STK4: variants seen among roughly 807,000 people sequenced by gnomAD.
The protein encoded by STK4 is serine/threonine-protein kinase 4.
STK4 carries 30 observed loss-of-function variants against 64.9 expected under a neutral mutation model. The observed-to-expected ratio is 0.46, with a 90% confidence interval of 0.35 to 0.63. The LOEUF is 0.63. STK4 is among the 20% of genes least tolerant of loss of function. The pLI is 0.01. For missense variants in STK4, 466 were observed against 598.5 expected (o/e 0.78, Z 2.31); for synonymous variants, 177 against 199.0 (o/e 0.89, Z 0.93).
intron 10 of STK4, among the ~76,000 whole-genome samples, chr20:45,029,397 T>C (rs1343499768): frequency 1.3e-5 from 2 of 152,242 alleles, no homozygotes; most frequent in Non-Finnish European, 2.9e-5. Context: ...TATGACATTC[T>C]ACTCTATTTG....
chr20:45,012,798 TC>T (rs201999835), intron 9 of STK4, among the ~76,000 whole-genome samples: 27,893 of 136,648 alleles, frequency 0.2, 3,753 homozygotes, highest in Middle Eastern at 0.33. Context: ...TTCTTCTTCT[TC>T]TTTTTTTTTT....
chr20:45,017,938 C>T (rs1359207836), intron 9 of STK4, among the ~76,000 whole-genome samples: 1 of 152,122 alleles, frequency 6.6e-6, no homozygotes, highest in Non-Finnish European at 1.5e-5. Context: ...CTCCAGGGAA[C>T]CTTATAACTT....
intron 10 of STK4, among the ~76,000 whole-genome samples, chr20:45,041,826 C>T (rs963888767): frequency 3.9e-5 from 6 of 152,190 alleles, no homozygotes; most frequent in Non-Finnish European, 2.9e-5. Flanking sequence ...AATCAATCTC[C>T]TGGCAAACAT....
intron 10 of STK4, among the ~76,000 whole-genome samples, chr20:45,053,424 G>T (rs1366888419): frequency 2.0e-5 from 3 of 152,134 alleles, no homozygotes; most frequent in Non-Finnish European, 4.4e-5. Flanking sequence ...TGCTTGGCAG[G>T]CTTCTTCTTT....
chr20:44,982,304 T>C (rs1233053372), intron 4 of STK4, among the ~76,000 whole-genome samples: 1 of 112,270 alleles, frequency 8.9e-6, no homozygotes, highest in Non-Finnish European at 2.2e-5. Context: ...TGTTTTTTAA[T>C]TTTTTTTTTT....
chr20:44,989,870 C>T (rs560022732), intron 5 of STK4, among the ~76,000 whole-genome samples: 3 of 152,188 alleles, frequency 2.0e-5, no homozygotes, highest in African/African-American at 4.8e-5. Context: ...GAGTTTATTT[C>T]TATGCCTTCA....
chr20:44,967,204 A>G (rs1489210707), intron 1 of STK4: 12 of 985,240 alleles, frequency 1.2e-5, no homozygotes, highest in Admixed American at 6.1e-5. Flanking sequence ...ATCTTTTATT[A>G]CTGATGTTCA....
In STK4 at chr20:45,015,113, A is replaced by G. The variant is rs2068117456; in HGVS notation, c.1148-9860A>G. 2.0e-5 allele frequency among the ~76,000 whole-genome samples: 3 copies of G among 152,240 alleles called. No individual in the cohort carries two copies. In the South Asian group the frequency reaches 6.2e-4, roughly 31 times the overall value. The stretch of plus-strand genomic sequence containing the variant: ...TGTGGTAAAAACATTATGTGTTTAT[A>G]GTTCCTCAGAAAGTCCTAAGTTTCA... On this transcript the variant is annotated intron_variant, in intron 9 of 10. Coordinates refer to ENST00000372806, the MANE Select transcript of STK4 (RefSeq NM_006282.5).
chr20:45,019,267 T>G (rs886721790), intron 9 of STK4, among the ~76,000 whole-genome samples: 1 of 152,224 alleles, frequency 6.6e-6, no homozygotes, highest in Non-Finnish European at 1.5e-5. Flanking sequence ...TTGCCTGTTT[T>G]GGACAGTTTA....
At chr20:45,048,315 G>A (rs2068726675) in intron 10 of STK4, among the ~76,000 whole-genome samples, 1 of 152,174 alleles carries the variant, frequency 6.6e-6, no homozygotes, top group Non-Finnish European at 1.5e-5. Flanking sequence ...GCTTAGCAGA[G>A]TATCTGACAC....
At chr20:44,972,880 T>G (rs1264711893) in intron 2 of STK4, 1 of 150,360 alleles carries the variant, frequency 6.7e-6, no homozygotes, top group Non-Finnish European at 1.5e-5. Context: ...ATTCAAAATT[T>G]AAAAAAATAT....
At chr20:45,008,260 G>A (rs1226468894) in intron 9 of STK4, among the ~76,000 whole-genome samples, 2 of 152,104 alleles carry the variant, frequency 1.3e-5, no homozygotes, top group African/African-American at 2.4e-5. Context: ...TCACCATGTC[G>A]TCCAGGCTGG....
intron 3 of STK4, 21 bp from the exon 4 acceptor site, chr20:44,981,808 G>A: frequency 3.5e-6 from 5 of 1,439,296 alleles, no homozygotes; most frequent in Non-Finnish European, 4.9e-6. Context: ...TTATTAATTT[G>A]TATTGTCTCT....
chr20:44,987,148 T>C lies in STK4; in HGVS notation c.377T>C (p.Ile126Thr), dbSNP rs761464846. The stretch of plus-strand genomic sequence containing the variant: ...TTTTTTCAGTTAACAGAAGATGAAA[T>C]AGCTACAATATTACAATCAACTCTT... ...LRNKTLTEDE[I>T]ATILQSTLKG... The change falls in exon 5 of 11, where the codon ATA becomes ACA. Residue 126 changes from isoleucine to threonine, a missense_variant. Transcript: ENST00000372806. 1 of 1,590,974 alleles carries C rather than the reference T, an allele frequency of 6.3e-7. No homozygotes were observed. Among genetic ancestry groups the C allele is most frequent in the Non-Finnish European group, 8.6e-7 (1 of 1,169,452 alleles).
At position 45,012,990 on chromosome 20, in the gene STK4, G is replaced by T. The variant is rs2068081862; in HGVS notation, c.1147+11637G>T. 2.5e-5 allele frequency among the ~76,000 whole-genome samples: 3 copies of T among 120,766 alleles called. No homozygotes were observed. The South Asian group carries it at 8.0e-4, about 32-fold the overall frequency. 79.2% of individuals were successfully genotyped at this position (120,766 alleles called of 152,430 possible). On this transcript the variant is annotated intron_variant, in intron 9 of 10. Transcript: ENST00000372806. ...TTTTTTTTTTTTTTTATAGAGATGG[G>T]ATCTCCCTGTGTTGCCCAGGCTGGT...
chr20:45,069,093 C>A (rs1364099363), intron 10 of STK4, among the ~76,000 whole-genome samples: 1 of 152,168 alleles, frequency 6.6e-6, no homozygotes, highest in Non-Finnish European at 1.5e-5. Flanking sequence ...TGAGGGAATT[C>A]TAGGTGTTAG....
Position 45,078,209 on chromosome 20 carries a change from T to G in STK4, c.*3033T>G, listed in dbSNP as rs1341461010. ...TCTCAGAATTCTTTTTTTGTTTGTGTTTTTTTTTTTTTTTGAGACAGAGTC... is the reference window on the plus strand; with the variant it reads ...TCTCAGAATTCTTTTTTTGTTTGTGGTTTTTTTTTTTTTTGAGACAGAGTC... On this transcript the variant is annotated 3_prime_UTR_variant, in exon 11 of 11. Coordinates refer to ENST00000372806, the MANE Select transcript of STK4 (RefSeq NM_006282.5). The G allele has an allele frequency of 1.1e-5, 1 of 91,184 alleles. No individual in the cohort carries two copies. Among genetic ancestry groups the G allele is most frequent in the Non-Finnish European group, 2.5e-5 (1 of 40,330 alleles). 5.6% of individuals were successfully genotyped at this position (91,184 alleles called of 1,614,324 possible). A position where few individuals can be genotyped will look rare whatever the true frequency, so the allele number is the denominator to read the frequency against.
rs370787208 is a variant in STK4, at chr20:45,050,984, A to G, written c.1306-24034A>G. 3.9e-5 allele frequency among the ~76,000 whole-genome samples: 6 copies of G among 152,342 alleles called. No individual in the cohort carries two copies. In the South Asian group the frequency reaches 1.0e-3, roughly 26 times the overall value. ...TAACAACCAAGGGTTTAAAAAATAC[A>G]TAATTAATTTAGAATTACCAAATCT... On this transcript the variant is annotated intron_variant, in intron 10 of 10. Transcript: ENST00000372806.
intron 10 of STK4, among the ~76,000 whole-genome samples, chr20:45,055,858 G>A (rs1423460210): frequency 1.3e-5 from 2 of 151,658 alleles, no homozygotes; most frequent in Non-Finnish European, 2.9e-5. Flanking sequence ...TCAGCCTCCC[G>A]AGTAGCTGGG....
Sources: allele counts gnomAD v4.1 joint callset (sites outside exome capture counted in the v4.1 genomes callset), GRCh38; gene constraint gnomAD v4.1.1; transcripts MANE v1.5; gene names NCBI Gene and HGNC (gene_info 2026-07-23, HGNC 2026-07-21).